The following SLC8A1 variants were observed in gnomAD, a reference collection of about 807,000 sequenced individuals.
SLC8A1 encodes solute carrier family 8 member A1, also known as sodium/calcium exchanger 1.
SLC8A1 carries 18 observed loss-of-function variants against 68.3 expected under a neutral mutation model. The observed-to-expected ratio is 0.26, with a 90% CI of 0.18 to 0.39. The LOEUF is 0.39. Among genes scored for constraint, SLC8A1 ranks in the 10% least tolerant of loss-of-function variants. SLC8A1 has a pLI of 1.00. For missense variants in SLC8A1, 985 were observed against 1,156.7 expected (o/e 0.85, Z 2.15); for synonymous variants, 475 against 415.5 (o/e 1.14, Z -1.74).
chr2:40,150,637 G>A (rs1184656181), intron 6 of SLC8A1, among the ~76,000 whole-genome samples: 1 of 152,096 alleles, frequency 6.6e-6, no homozygotes, highest in Non-Finnish European at 1.5e-5. Context: ...ACACGACTTC[G>A]GGCATACAAA....
intron 2 of SLC8A1, among the ~76,000 whole-genome samples, chr2:40,207,420 C>G (rs1249900651): frequency 6.6e-6 from 1 of 151,954 alleles, no homozygotes; most frequent in Non-Finnish European, 1.5e-5. Flanking sequence ...TTATCTATAA[C>G]TTTCTCATTT....
intron 6 of SLC8A1, among the ~76,000 whole-genome samples, chr2:40,142,210 C>T (rs543165754): frequency 1.8e-4 from 27 of 152,258 alleles, no homozygotes; most frequent in Admixed American, 7.2e-4. Flanking sequence ...TACCACTTCT[C>T]TTTTACCCTA....
At chr2:40,152,227 G>T (rs904673065) in intron 6 of SLC8A1, among the ~76,000 whole-genome samples, 106 of 152,154 alleles carry the variant, frequency 7.0e-4, no homozygotes, top group African/African-American at 2.4e-3. Flanking sequence ...AAAGGTACTT[G>T]AATCTTTTGT....
chr2:40,309,874 G>C (rs372101351), intron 2 of SLC8A1, among the ~76,000 whole-genome samples: 1 of 152,138 alleles, frequency 6.6e-6, no homozygotes, highest in Admixed American at 6.5e-5. Context: ...TAATTCAGTG[G>C]TTTTTAGTAT....
chr2:40,342,732 T>C (rs886978222), intron 2 of SLC8A1, among the ~76,000 whole-genome samples: 15 of 152,156 alleles, frequency 9.9e-5, no homozygotes, highest in Admixed American at 2.0e-4. Context: ...TCTCACACAA[T>C]AAACTTCAAG....
At chr2:40,391,281 G>A (rs921330308) in intron 2 of SLC8A1, among the ~76,000 whole-genome samples, 1 of 151,802 alleles carries the variant, frequency 6.6e-6, no homozygotes, top group Admixed American at 6.6e-5. Context: ...GAAAGACTTT[G>A]AAGAAAAGCA....
At chr2:40,413,722 C>G (rs1692925299) in intron 2 of SLC8A1, among the ~76,000 whole-genome samples, 1 of 152,128 alleles carries the variant, frequency 6.6e-6, no homozygotes, top group Non-Finnish European at 1.5e-5. Flanking sequence ...TAAGAGGGAG[C>G]TCAAAGGCAT....
At chr2:40,307,531 T>A (rs1386616390) in intron 2 of SLC8A1, among the ~76,000 whole-genome samples, 1 of 152,158 alleles carries the variant, frequency 6.6e-6, no homozygotes, top group Admixed American at 6.5e-5. Flanking sequence ...AATTTTATAT[T>A]TTTTACTACA....
At chr2:40,222,169 G>T (rs1466553316) in intron 2 of SLC8A1, among the ~76,000 whole-genome samples, 1 of 150,072 alleles carries the variant, frequency 6.7e-6, no homozygotes, top group Non-Finnish European at 1.5e-5. Context: ...TACCAAATTA[G>T]ATATATATAT....
chr2:40,297,886 T>C (rs953746480), intron 2 of SLC8A1, among the ~76,000 whole-genome samples: 1 of 152,132 alleles, frequency 6.6e-6, no homozygotes, highest in Non-Finnish European at 1.5e-5. Flanking sequence ...ACAATCTGTT[T>C]TTTGTTTTTT....
At chr2:40,416,495 CTAAATCTTATTCAG>C (rs1436502005) in intron 2 of SLC8A1, among the ~76,000 whole-genome samples, 1 of 152,036 alleles carries the variant, frequency 6.6e-6, no homozygotes, top group Non-Finnish European at 1.5e-5. Context: ...ACACTTTACT[CTAAATCTTATTCAG>C]TGTTATGTCA....
At chr2:40,135,969 A>G (rs188566101) in intron 7 of SLC8A1, among the ~76,000 whole-genome samples, 1 of 152,306 alleles carries the variant, frequency 6.6e-6, no homozygotes, top group East Asian at 1.9e-4. Flanking sequence ...GCTAGTACAT[A>G]AATCTTTCAC....
At chr2:40,394,431 G>T (rs1272333122) in intron 2 of SLC8A1, among the ~76,000 whole-genome samples, 1 of 151,644 alleles carries the variant, frequency 6.6e-6, no homozygotes, top group Non-Finnish European at 1.5e-5. Flanking sequence ...TTTCTTTGTG[G>T]TTTTTCTGTT....
chr2:40,423,553 A>T lies in SLC8A1; in HGVS notation c.1808+4920T>A, dbSNP rs114398211. On this transcript the variant is annotated intron_variant, in intron 2 of 7. Transcript: ENST00000406785. The stretch of plus-strand genomic sequence containing the variant: ...TCAGCCTTCTATGTAATGGCCTTGA[A>T]TGATGACTAAGAAAAGAGCCCGTAA... Among the ~76,000 whole-genome samples the T allele has an allele frequency of 3.1e-3, 472 of 152,176 alleles. 2 individuals carry two copies. Among genetic ancestry groups the T allele is most frequent in the African/African-American group, 0.011 (448 of 41,572 alleles).
intron 2 of SLC8A1, among the ~76,000 whole-genome samples, chr2:40,248,930 C>G (rs1199580621): frequency 6.6e-6 from 1 of 152,128 alleles, no homozygotes; most frequent in Non-Finnish European, 1.5e-5. Flanking sequence ...AAGTCTTCAC[C>G]TCGTGATGTC....
chr2:40,488,328 G>A (rs777149801), intron 1 of SLC8A1, among the ~76,000 whole-genome samples: 1 of 151,824 alleles, frequency 6.6e-6, no homozygotes, highest in South Asian at 2.1e-4. Context: ...GACTATAAAT[G>A]ACAGGGAATT....
At position 40,315,176 on chromosome 2, in the gene SLC8A1, T is replaced by A. The variant is rs573644591; in HGVS notation, c.1808+113297A>T. Among the ~76,000 whole-genome samples, 9 of 152,120 alleles carry A rather than the reference T, an allele frequency of 5.9e-5. No individual in the cohort carries two copies. In the East Asian group the frequency reaches 1.5e-3, roughly 26 times the overall value. ...GAAGAAGTTCCCACTATTCCTAATA[T>A]TTCTGAGGGTTCTTAACATCAGGGA... On this transcript the variant is annotated intron_variant, in intron 2 of 7. Transcript: ENST00000406785.
chr2:40,422,058 T>C, intron 2 of SLC8A1, among the ~76,000 whole-genome samples: 1 of 151,684 alleles, frequency 6.6e-6, no homozygotes, highest in Non-Finnish European at 1.5e-5. Context: ...GCCTGCCCAC[T>C]CAGCACCTTC....
chr2:40,436,211 C>A (rs1699385132), intron 1 of SLC8A1, among the ~76,000 whole-genome samples: 1 of 152,074 alleles, frequency 6.6e-6, no homozygotes, highest in African/African-American at 2.4e-5. Context: ...TCCTAGAGCA[C>A]AGCCTGGCAC....
Sources: allele counts gnomAD v4.1 joint callset (sites outside exome capture counted in the v4.1 genomes callset), GRCh38; gene constraint gnomAD v4.1.1; transcripts MANE v1.5; gene names NCBI Gene and HGNC (gene_info 2026-07-23, HGNC 2026-07-21).